Variants in SIGLEC6 observed in about 807,000 individuals in gnomAD.
SIGLEC6 encodes the protein sialic acid-binding Ig-like lectin 6.
Under a neutral mutation model 41.4 loss-of-function variants are expected in SIGLEC6, and 31 were observed. The ratio of observed to expected loss-of-function variants is 0.75; its 90% CI spans 0.56 to 1.01. The LOEUF is 1.01. Ranked by LOEUF, SIGLEC6 falls within the 50% of genes least tolerant of loss-of-function variation. The pLI is 0.00. For synonymous variants in SIGLEC6, 217 were observed against 231.0 expected, an observed-to-expected ratio of 0.94 and a Z score of 0.55; for missense variants, 555 against 558.6, an observed-to-expected ratio of 0.99 and a Z score of 0.06.
In SIGLEC6 at chr19:51,529,812, T is replaced by G. The variant is rs530144850; in HGVS notation, c.924A>C (p.Gln308His). The change falls in exon 5 of 8, where the codon CAA becomes CAC. Residue 308 changes from glutamine to histidine, a missense_variant. By Grantham distance (24) the Gln-to-His change is conservative (BLOSUM62 0). Transcript: ENST00000425629. ...ISNTGVLELP[Q>H]VGSAEEGDFT... ...AATCTCCTTCTTCTGCAGACCCTAC[T>G]TGAGGCAGCTCCAGGACCCCGGTAT... 1.5e-5 allele frequency: 24 copies of G among 1,614,110 alleles called. No individual in the cohort carries two copies. In the African/African-American group the frequency reaches 2.4e-4, roughly 16 times the overall value.
Position 51,531,148 on chromosome 19 carries a change from C to A in SIGLEC6, c.427+12G>T. The A allele has an allele frequency of 1.3e-6, 2 of 1,572,902 alleles. No individual in the cohort carries two copies. Among genetic ancestry groups the A allele is most frequent in the African/African-American group, 1.3e-5 (1 of 74,206 alleles). ...CCTTCCCCTGTGGCTAGTCCTGGAG[C>A]TGGTTCCTTACCCATCACACGCACA... On this transcript the variant is annotated intron_variant, in intron 2 of 7. Transcript: ENST00000425629.
At chr19:51,520,312 G>A (rs1483789125) in intron 7 of SIGLEC6, 57 bp from the exon 8 acceptor site, 2 of 1,310,636 alleles carry the variant, frequency 1.5e-6, no homozygotes, top group Non-Finnish European at 1.0e-6. Flanking sequence ...AAAGAAAGCA[G>A]CCAAGGATCA....
Position 51,519,023 on chromosome 19 carries a change from C to T in SIGLEC6, c.*1059G>A, listed in dbSNP as rs747133531. On this transcript the variant is annotated 3_prime_UTR_variant, in exon 8 of 8. Coordinates refer to ENST00000425629, the MANE Select transcript of SIGLEC6 (RefSeq NM_001245.7). The stretch of plus-strand genomic sequence containing the variant: ...TAAAACAGCTAATCAAAGCCGGGTG[C>T]GGTGGCTCATGCCTGTAATCTCAGC... Among the ~76,000 whole-genome samples the T allele has an allele frequency of 6.6e-6, 1 of 151,990 alleles. No homozygotes were observed. Among genetic ancestry groups the T allele is most frequent in the Non-Finnish European group, 1.5e-5 (1 of 67,978 alleles).
At chr19:51,522,597 G>A (rs1177233918) in intron 7 of SIGLEC6, among the ~76,000 whole-genome samples, 2 of 152,086 alleles carry the variant, frequency 1.3e-5, no homozygotes, top group Non-Finnish European at 2.9e-5. Context: ...ACCAGCCTGG[G>A]CAACATGGTG....
At chr19:51,522,390 G>A (rs182494138) in intron 7 of SIGLEC6, among the ~76,000 whole-genome samples, 42 of 152,364 alleles carry the variant, frequency 2.8e-4, no homozygotes, top group African/African-American at 9.1e-4. Context: ...CGAAGAAGCT[G>A]TGGAATGTAA....
chr19:51,527,899 C>A, intron 6 of SIGLEC6, 71 bp from the exon 7 acceptor site: 1 of 1,445,240 alleles, frequency 6.9e-7, no homozygotes, highest in South Asian at 1.2e-5. Context: ...AACCATCTCC[C>A]CACTCCCTAT....
At chr19:51,531,068 T>C (rs1233510112) in intron 2 of SIGLEC6, 92 bp downstream of exon 2, 1 of 1,559,212 alleles carries the variant, frequency 6.4e-7, no homozygotes, top group Non-Finnish European at 8.6e-7. Flanking sequence ...TGCTTAATTG[T>C]ACCCGCCTCC....
At position 51,527,643 on chromosome 19, in the gene SIGLEC6, G is replaced by A. The variant is rs117737864; in HGVS notation, c.1188+104C>T. The A allele has an allele frequency of 1.9e-3, 1,676 of 873,422 alleles. 3 individuals carry two copies. The highest frequency in any genetic ancestry group is 2.5e-3 in the Non-Finnish European group (1,399 of 553,778). 54.1% of individuals were successfully genotyped at this position (873,422 alleles called of 1,614,324 possible). On this transcript the variant is annotated intron_variant, in intron 7 of 7. Coordinates refer to ENST00000425629, the MANE Select transcript of SIGLEC6 (RefSeq NM_001245.7). The stretch of plus-strand genomic sequence containing the variant: ...AATTTAAAATGTCACATGTGGAACC[G>A]CAGGGAATGTCAGGTGTTAATGAAG...
At chr19:51,523,581 A>C (rs1973096) in intron 7 of SIGLEC6, among the ~76,000 whole-genome samples, 119,589 of 152,156 alleles carry the variant, frequency 0.79, 47,334 homozygotes, top group Admixed American at 0.84. Context: ...TGATTGGACA[A>C]CCCTGCTAGA....
chr19:51,527,533 T>C (rs1164493336), intron 7 of SIGLEC6, among the ~76,000 whole-genome samples: 1 of 152,226 alleles, frequency 6.6e-6, no homozygotes. Flanking sequence ...GAGTACGTAT[T>C]TCATCAGAAC....
intron 3 of SIGLEC6, 45 bp downstream of exon 3, chr19:51,530,635 TC>T: frequency 2.5e-6 from 4 of 1,607,796 alleles, no homozygotes; most frequent in Non-Finnish European, 3.4e-6. Context: ...CCCTGCCCTG[TC>T]CCCCCACACC....
In SIGLEC6 at chr19:51,528,241, C is replaced by G; in HGVS notation, c.1025G>C (p.Gly342Ala). ...TGCTCCCAGGACACCACCAGCCCTG[C>G]CTTCTGGTTTCCCTATAATTTGAAT... Reference protein sequence around the residue: ...LSLFVHWKPEGRAGGVLGAVW... With the variant: ...LSLFVHWKPEARAGGVLGAVW... The change falls in exon 6 of 8, where the codon GGC becomes GCC. Residue 342 changes from glycine to alanine, a missense_variant. Physicochemically the swap from Gly to Ala is moderately conservative, Grantham distance 60. Coordinates refer to ENST00000425629, the MANE Select transcript of SIGLEC6 (RefSeq NM_001245.7). 6.2e-7 allele frequency: 1 copy of G among 1,613,962 alleles called. No homozygotes were observed. The highest frequency in any genetic ancestry group is 1.3e-5 in the African/African-American group (1 of 75,024).
rs1045727297 is a variant in SIGLEC6, at chr19:51,529,266, G to A, written c.1012+458C>T. 9.2e-5 allele frequency: 16 copies of A among 173,070 alleles called. 1 individual carries two copies. The highest frequency in any genetic ancestry group is 1.7e-4 in the African/African-American group (7 of 41,914). 10.7% of individuals were successfully genotyped at this position (173,070 alleles called of 1,614,324 possible). A position where few individuals can be genotyped will look rare whatever the true frequency, so the allele number is the denominator to read the frequency against. On this transcript the variant is annotated intron_variant, in intron 5 of 7. Coordinates refer to ENST00000425629, the MANE Select transcript of SIGLEC6 (RefSeq NM_001245.7). ...ACAATAAATCCCTATTGTTTAAGTC[G>A]TGCACTTTGAATTACTTTGTTATGG...
Position 51,519,029 on chromosome 19 carries a change from C to T in SIGLEC6, c.*1053G>A, listed in dbSNP as rs139109387. Among the ~76,000 whole-genome samples, 3,387 of 152,202 alleles carry T rather than the reference C, an allele frequency of 0.022. 56 individuals carry two copies. Among genetic ancestry groups the T allele is most frequent in the Middle Eastern group, 0.051 (15 of 294 alleles). On this transcript the variant is annotated 3_prime_UTR_variant, in exon 8 of 8. Transcript: ENST00000425629. ...AGCTAATCAAAGCCGGGTGCGGTGG[C>T]TCATGCCTGTAATCTCAGCACTTTG... is the stretch of plus-strand genomic sequence containing the variant.
At chr19:51,526,067 C>T (rs921885502) in intron 7 of SIGLEC6, among the ~76,000 whole-genome samples, 12 of 152,196 alleles carry the variant, frequency 7.9e-5, no homozygotes, top group Non-Finnish European at 1.3e-4. Context: ...ACAGCTGCCT[C>T]AACCCAGGGT....
rs1973097 is a variant in SIGLEC6, at chr19:51,523,965, G to A, written c.1189-3710C>T. On this transcript the variant is annotated intron_variant, in intron 7 of 7. Coordinates refer to ENST00000425629, the MANE Select transcript of SIGLEC6 (RefSeq NM_001245.7). ...GTGAACCCAGGAAGCGGAGCTTGCC[G>A]TGAGCTGAGATCGTGCCACTGCACT... Among the ~76,000 whole-genome samples the A allele has an allele frequency of 1.6e-4, 24 of 152,262 alleles. No individual in the cohort carries two copies. The South Asian group carries it at 2.1e-3, about 13-fold the overall frequency.
Position 51,531,187 on chromosome 19 carries a change from A to G in SIGLEC6, c.400T>C (p.Ser134Pro). 1.2e-6 allele frequency: 2 copies of G among 1,601,082 alleles called. No individual in the cohort carries two copies. Among genetic ancestry groups the G allele is most frequent in the African/African-American group, 1.3e-5 (1 of 74,868 alleles). ...ATCACACGCACAGAGAGCTTGGAAG[A>G]TGTATAACCGTATTTCATCCATTTG... ...KSKWMKYGYT[S>P]SKLSVRVMAL... is the part of the protein sequence containing the mutation. Residue 134 changes from serine to proline, a missense_variant, in exon 2 of 8, where the codon TCT becomes CCT. Transcript: ENST00000425629.
In SIGLEC6 at chr19:51,519,043, C is replaced by G. The variant is rs545389420; in HGVS notation, c.*1039G>C. Among the ~76,000 whole-genome samples, 133 of 152,232 alleles carry G rather than the reference C, an allele frequency of 8.7e-4. No homozygotes were observed. Among genetic ancestry groups the G allele is most frequent in the African/African-American group, 3.0e-3 (126 of 41,534 alleles). On this transcript the variant is annotated 3_prime_UTR_variant, in exon 8 of 8. Coordinates refer to ENST00000425629, the MANE Select transcript of SIGLEC6 (RefSeq NM_001245.7). ...GGGTGCGGTGGCTCATGCCTGTAAT[C>G]TCAGCACTTTGGGAGGCCGAGGAGG... is the stretch of plus-strand genomic sequence containing the variant.
chr19:51,530,905 G>C lies in SIGLEC6; in HGVS notation c.482C>G (p.Pro161Arg), dbSNP rs376390231. 1 of 1,613,544 alleles carries C rather than the reference G, an allele frequency of 6.2e-7. No homozygotes were observed. Among genetic ancestry groups the C allele is most frequent in the Non-Finnish European group, 8.5e-7 (1 of 1,179,986 alleles). ...GGGCACAGAGCAGGTCAGATTGCTG[G>C]GATGGCCAGACTCCAGGGTCCCTGG... is the stretch of plus-strand genomic sequence containing the variant. ...SIPGTLESGH[P>R]SNLTCSVPWV... is the part of the protein sequence containing the mutation. The change falls in exon 3 of 8, where the codon CCC (proline) becomes CGC (arginine). Residue 161 changes from proline to arginine, a missense_variant. Physicochemically the swap from Pro to Arg is moderately radical, Grantham distance 103 (BLOSUM62 -2). Coordinates refer to ENST00000425629, the MANE Select transcript of SIGLEC6 (RefSeq NM_001245.7).
Sources: allele counts gnomAD v4.1 joint callset (sites outside exome capture counted in the v4.1 genomes callset), GRCh38; gene constraint gnomAD v4.1.1; transcripts MANE v1.5; gene names NCBI Gene and HGNC (gene_info 2026-07-23, HGNC 2026-07-21).